The following FBXO34 variants were observed in gnomAD, a reference collection of about 807,000 sequenced individuals.
FBXO34 encodes F-box only protein 34.
A neutral mutation model predicts 24.5 loss-of-function variants in FBXO34; 12 were observed. That is an observed-to-expected ratio of 0.49 (90% CI 0.31 to 0.79). The LOEUF (loss-of-function observed/expected upper bound fraction) is 0.79. FBXO34 is among the 30% of genes least tolerant of loss of function. The pLI, the probability that FBXO34 is intolerant of heterozygous loss-of-function variation, is 0.04. For missense variants in FBXO34, 823 were observed against 857.7 expected (o/e 0.96, Z 0.51); for synonymous variants, 320 against 311.9 (o/e 1.03, Z -0.27).
At chr14:55,371,465 C>T (rs1017664104), downstream of FBXO34, among the ~76,000 whole-genome samples, 1 of 152,080 alleles carries the variant, frequency 6.6e-6, no homozygotes, top group African/African-American at 2.4e-5. Flanking sequence ...TTGGAAGATA[C>T]GCCATGGGGT....
chr14:55,316,732 A>C (rs941843382), intron 1 of FBXO34, among the ~76,000 whole-genome samples: 12 of 151,900 alleles, frequency 7.9e-5, no homozygotes, highest in African/African-American at 2.7e-4. Context: ...CTCAAAAAAA[A>C]AAAAAGCCAT....
chr14:55,349,671 G>T (rs1314568395), intron 1 of FBXO34, among the ~76,000 whole-genome samples: 1 of 145,008 alleles, frequency 6.9e-6, no homozygotes, highest in Non-Finnish European at 1.5e-5. Flanking sequence ...GCAGTGGTGT[G>T]TGCGATCTTG....
chr14:55,307,794 C>T (rs966989962), intron 1 of FBXO34, among the ~76,000 whole-genome samples: 1 of 152,122 alleles, frequency 6.6e-6, no homozygotes, highest in African/African-American at 2.4e-5. Flanking sequence ...TCATGGATAC[C>T]TTTTAAGAGA....
chr14:55,289,317 TTTCAAAAAAG>T (rs1339223630), intron 1 of FBXO34, among the ~76,000 whole-genome samples: 3 of 152,098 alleles, frequency 2.0e-5, no homozygotes, highest in African/African-American at 7.2e-5. Context: ...TATACCAAAA[TTTCAAAAAAG>T]TTTGTATATT....
intron 1 of FBXO34, among the ~76,000 whole-genome samples, chr14:55,349,327 C>T (rs1884261349): frequency 6.6e-6 from 1 of 152,084 alleles, no homozygotes; most frequent in Admixed American, 6.6e-5. Context: ...CTTTTTGTCT[C>T]GTTTCTGAAA....
chr14:55,290,912 G>A (rs191775358), intron 1 of FBXO34, among the ~76,000 whole-genome samples: 364 of 152,140 alleles, frequency 2.4e-3, no homozygotes, highest in Non-Finnish European at 4.3e-3. Context: ...TTCTGCCTCC[G>A]GAGTTCAAGT....
intron 1 of FBXO34, among the ~76,000 whole-genome samples, chr14:55,286,999 C>T (rs1253523117): frequency 2.0e-5 from 3 of 151,280 alleles, no homozygotes; most frequent in African/African-American, 7.3e-5. Flanking sequence ...ACCTCCACCT[C>T]CCAGGTTCAA....
intron 1 of FBXO34, among the ~76,000 whole-genome samples, chr14:55,290,484 T>C (rs900359816): frequency 4.6e-5 from 7 of 152,216 alleles, no homozygotes; most frequent in Admixed American, 2.0e-4. Context: ...CATGGTTCAG[T>C]GAGGTCATCA....
At chr14:55,340,746 C>G (rs1453862131) in intron 1 of FBXO34, among the ~76,000 whole-genome samples, 1 of 152,134 alleles carries the variant, frequency 6.6e-6, no homozygotes, top group East Asian at 1.9e-4. Context: ...CATTTATACT[C>G]TAGAATTAGT....
chr14:55,402,105 C>T, the FBXO34 span, among the ~76,000 whole-genome samples: 1 of 152,280 alleles, frequency 6.6e-6, no homozygotes, highest in South Asian at 2.1e-4. Context: ...AGGGCATGCA[C>T]TCTATTAGGG....
chr14:55,326,777 A>T (rs145511906), intron 1 of FBXO34, among the ~76,000 whole-genome samples: 25 of 152,306 alleles, frequency 1.6e-4, no homozygotes, highest in Admixed American at 1.6e-3. Flanking sequence ...GAAGGAGAGA[A>T]TTTCAAATGC....
chr14:55,378,490 G>T, the FBXO34 span, among the ~76,000 whole-genome samples: 1 of 152,170 alleles, frequency 6.6e-6, no homozygotes. Flanking sequence ...AGGCCCACAA[G>T]ATTTGCACCC....
the FBXO34 span, among the ~76,000 whole-genome samples, chr14:55,426,458 C>A: frequency 6.6e-6 from 1 of 152,000 alleles, no homozygotes; most frequent in Non-Finnish European, 1.5e-5. Context: ...TAACACAAGG[C>A]AAATTTGGCC....
intron 1 of FBXO34, among the ~76,000 whole-genome samples, chr14:55,320,901 G>T (rs1272008623): frequency 6.6e-6 from 1 of 152,198 alleles, no homozygotes; most frequent in Non-Finnish European, 1.5e-5. Context: ...GCTGTAAAAA[G>T]AAACCAATGT....
At chr14:55,436,742 C>T in the FBXO34 span, 3 of 1,614,018 alleles carry the variant, frequency 1.9e-6, no homozygotes, top group Non-Finnish European at 2.5e-6. Context: ...AAGCCCAGCC[C>T]AACGTCCTGT....
intron 1 of FBXO34, among the ~76,000 whole-genome samples, chr14:55,327,400 C>T (rs375084667): frequency 1.3e-5 from 2 of 152,064 alleles, no homozygotes; most frequent in Admixed American, 1.3e-4. Flanking sequence ...ACTCTGCCTG[C>T]GGAGTTTGAG....
rs780897504 is a variant in FBXO34 at position 55,351,693 on chromosome 14, A to T, written c.1303A>T (p.Met435Leu). The T allele has an allele frequency of 1.4e-5, 23 of 1,614,228 alleles. No individual in the cohort carries two copies. In the East Asian group the frequency reaches 5.1e-4, roughly 36 times the overall value. The change falls in exon 2 of 2, where the codon ATG becomes TTG. Residue 435 changes from methionine (M) to leucine (L), a missense_variant. This residue lies in a region of FBXO34 where 693 missense variants were observed against 659.1 expected (regional missense o/e 1.05). Transcript: ENST00000313833. ...ATTGCCCACAGATGCTGTTGATTGT[A>T]TGAGCAGAGAGCTTGTGTCCCTTAC... is the stretch of plus-strand genomic sequence containing the variant. Reference protein sequence around the residue: ...SELPTDAVDCMSRELVSLTSR... With the variant: ...SELPTDAVDCLSRELVSLTSR...
the FBXO34 span, chr14:55,438,976 C>T: frequency 1.3e-5 from 2 of 149,454 alleles, no homozygotes; most frequent in South Asian, 2.1e-4. Context: ...CTCACTCTGT[C>T]GCCCAGGCTG....
At chr14:55,387,445 A>T in the FBXO34 span, among the ~76,000 whole-genome samples, 1,428 of 151,864 alleles carry the variant, frequency 9.4e-3, 30 homozygotes, top group African/African-American at 0.033. Context: ...CTCCATAAAC[A>T]CTCCCCAGAC....
Sources: gnomAD v4.1 joint callset for allele counts (sites outside exome capture counted in the v4.1 genomes callset) on GRCh38, gnomAD v4.1.1 for gene constraint, gnomAD v4.1.1 regional missense constraint, MANE v1.5 for transcripts, NCBI Gene and HGNC (gene_info 2026-07-23, HGNC 2026-07-21) for gene names.